Variants in KHNYN observed in about 807,000 individuals in gnomAD.
KHNYN encodes protein KHNYN.
In KHNYN, 42 loss-of-function variants were observed where a neutral mutation model predicts 62.7. The ratio of observed to expected loss-of-function variants is 0.67; its 90% CI spans 0.52 to 0.87. The LOEUF (loss-of-function observed/expected upper bound fraction) is 0.87. KHNYN is among the 40% of genes least tolerant of loss of function. The pLI is 0.00. For synonymous variants in KHNYN, 347 were observed against 345.6 expected, an observed-to-expected ratio of 1.00 and a Z score of -0.04; for missense variants, 829 against 874.1, an observed-to-expected ratio of 0.95 and a Z score of 0.65.
In KHNYN at chr14:24,439,891, A is replaced by G; in HGVS notation, c.*2606A>G. ...TGGGAAATCTTACAAGGAGTTGAAAAGATTAATGTCCCAACCTGATGAGAT... is the reference window on the plus strand; with the variant it reads ...TGGGAAATCTTACAAGGAGTTGAAAGGATTAATGTCCCAACCTGATGAGAT... On this transcript the variant is annotated 3_prime_UTR_variant, in exon 8 of 8. Transcript: ENST00000553935. The G allele has an allele frequency of 1.8e-6, 1 of 541,420 alleles. No homozygotes were observed. The highest frequency in any genetic ancestry group is 3.2e-6 in the Non-Finnish European group (1 of 310,930). 33.5% of individuals were successfully genotyped at this position (541,420 alleles called of 1,614,324 possible). A position where few individuals can be genotyped will look rare whatever the true frequency, so the allele number is the denominator to read the frequency against.
rs1464000050 is a variant in KHNYN at position 24,439,904 on chromosome 14, A to G, written c.*2619A>G. Reference sequence around the variant, plus strand: ...AAGGAGTTGAAAAGATTAATGTCCCAACCTGATGAGATTACGGCCTTGAGA... The same window carrying G: ...AAGGAGTTGAAAAGATTAATGTCCCGACCTGATGAGATTACGGCCTTGAGA... On this transcript the variant is annotated 3_prime_UTR_variant, in exon 8 of 8. Transcript: ENST00000553935. 1 of 583,970 alleles carries G rather than the reference A, an allele frequency of 1.7e-6. No homozygotes were observed. Among genetic ancestry groups the G allele is most frequent in the Non-Finnish European group, 3.0e-6 (1 of 337,870 alleles). 36.2% of individuals were successfully genotyped at this position (583,970 alleles called of 1,614,324 possible). A position where few individuals can be genotyped will look rare whatever the true frequency, so the allele number is the denominator to read the frequency against.
rs915386598 is a variant in KHNYN, at chr14:24,441,668, G to C, written c.*4383G>C. 2 of 1,574,586 alleles carry C rather than the reference G, an allele frequency of 1.3e-6. No homozygotes were observed. The highest frequency in any genetic ancestry group is 1.4e-5 in the African/African-American group (1 of 72,390). ...ATATAAGGGGCTGGTGATTTGGGGG[G>C]CGTACCTACACCTGTGACTAAGACC... On this transcript the variant is annotated 3_prime_UTR_variant, in exon 8 of 8. Coordinates refer to ENST00000553935, the MANE Select transcript of KHNYN (RefSeq NM_015299.3).
Position 24,437,183 on chromosome 14 carries a change from G to A in KHNYN, c.1935G>A (p.Val645=). 6.2e-7 allele frequency: 1 copy of A among 1,614,228 alleles called. No individual in the cohort carries two copies. Among genetic ancestry groups the A allele is most frequent in the Non-Finnish European group, 8.5e-7 (1 of 1,180,044 alleles). Residue 645 remains valine (V), a synonymous_variant, in exon 8 of 8, where the codon GTG becomes GTA. Coordinates refer to ENST00000553935, the MANE Select transcript of KHNYN (RefSeq NM_015299.3). The surrounding 1 kb of genome is among the most constrained non-coding windows in gnomAD (Gnocchi z 5.5). ...GGCTCCGGCGGCAGCTGCTGGAGGT[G>A]TTTTGGGGTCAGGATCACAAAGTGG... is the stretch of plus-strand genomic sequence containing the variant. ...TERLRRQLLE[V]FWGQDHKVDF...
chr14:24,427,407 C>T, upstream of KHNYN: 1 of 223,758 alleles, frequency 4.5e-6, no homozygotes, highest in Non-Finnish European at 9.0e-6. This position sits in a 1 kb window ranked among gnomAD's most constrained non-coding sequence, Gnocchi z 4.4. Flanking sequence ...CCTGTGGGGG[C>T]CTGTCAGGCT....
At chr14:24,433,141 T>G (rs183636738) in intron 5 of KHNYN, 109 bp downstream of exon 5, 2 of 1,031,614 alleles carry the variant, frequency 1.9e-6, no homozygotes, top group Admixed American at 3.7e-5. Flanking sequence ...GCCTTGGTGG[T>G]GGGTAAGGGG....
upstream of KHNYN, chr14:24,428,822 C>T (rs772372835): frequency 1.1e-5 from 18 of 1,612,434 alleles, no homozygotes; most frequent in South Asian, 3.3e-5. Flanking sequence ...GTGGTGGCTT[C>T]GGACCGCAGC....
intron 5 of KHNYN, 78 bp from the exon 6 acceptor site, chr14:24,435,994 C>G (rs2139394607): frequency 9.1e-7 from 1 of 1,097,774 alleles, no homozygotes; most frequent in East Asian, 2.4e-5. Flanking sequence ...TTTAATGTAA[C>G]CATGATCCAA....
rs761623076 is a variant in KHNYN at position 24,440,972 on chromosome 14, C to G, written c.*3687C>G. On this transcript the variant is annotated 3_prime_UTR_variant, in exon 8 of 8. Coordinates refer to ENST00000553935, the MANE Select transcript of KHNYN (RefSeq NM_015299.3). ...TTTGCCCTGGGTGTCCTTGGTCCTG[C>G]CTGGCTCTCTGTAGTGGAGGCTCCC... 1.9e-6 allele frequency: 3 copies of G among 1,611,890 alleles called. No individual in the cohort carries two copies. The South Asian group carries it at 3.3e-5, about 18-fold the overall frequency.
chr14:24,427,875 G>C (rs753104573), upstream of KHNYN: 2 of 1,614,052 alleles, frequency 1.2e-6, no homozygotes, highest in South Asian at 2.2e-5. The surrounding 1 kb of genome is among the most constrained non-coding windows in gnomAD (Gnocchi z 4.4). Flanking sequence ...AGAGACACTC[G>C]GTCCCCAGGG....
rs956613833 is a variant in KHNYN at position 24,437,163 on chromosome 14, C to A, written c.1915C>A (p.Arg639=). The stretch of plus-strand genomic sequence containing the variant: ...GAAGACCCGGGAAACAGAGCGGCTC[C>A]GGCGGCAGCTGCTGGAGGTGTTTTG... The part of the protein sequence containing the change: ...IRKTRETERL[R]RQLLEVFWGQ... The change falls in exon 8 of 8, where the codon CGG becomes AGG. Residue 639 remains arginine, a synonymous_variant. Coordinates refer to ENST00000553935, the MANE Select transcript of KHNYN (RefSeq NM_015299.3). This position sits in a 1 kb window ranked among gnomAD's most constrained non-coding sequence, Gnocchi z 5.5. 3.7e-6 allele frequency: 6 copies of A among 1,614,164 alleles called. No individual in the cohort carries two copies. The highest frequency in any genetic ancestry group is 1.3e-5 in the African/African-American group (1 of 75,034).
Position 24,440,150 on chromosome 14 carries a change from G to T in KHNYN, c.*2865G>T, listed in dbSNP as rs1323538573. 6.2e-7 allele frequency: 1 copy of T among 1,613,694 alleles called. No individual in the cohort carries two copies. The highest frequency in any genetic ancestry group is 1.1e-5 in the South Asian group (1 of 91,034). On this transcript the variant is annotated 3_prime_UTR_variant, in exon 8 of 8. Coordinates refer to ENST00000553935, the MANE Select transcript of KHNYN (RefSeq NM_015299.3). ...GGAATACTGGTAGCCAGTGGCCAGT[G>T]TTCGCTGTGGGATCACCTTCTGGCC...
chr14:24,432,355 A>C lies in KHNYN; in HGVS notation c.1094A>C (p.Glu365Ala). ...PRVPSPPPAP[E>A]PPWHCGDRGD... is the part of the protein sequence containing the mutation. ...GTGCCCAGCCCTCCACCTGCACCGGAACCCCCATGGCACTGTGGAGACCGG... is the reference window on the plus strand; with the variant it reads ...GTGCCCAGCCCTCCACCTGCACCGGCACCCCCATGGCACTGTGGAGACCGG... The change falls in exon 3 of 8, where the codon GAA becomes GCA. Residue 365 changes from glutamate to alanine, a missense_variant. Physicochemically the swap from Glu to Ala is moderately radical, Grantham distance 107. Coordinates refer to ENST00000553935, the MANE Select transcript of KHNYN (RefSeq NM_015299.3). The surrounding 1 kb of genome is among the most constrained non-coding windows in gnomAD (Gnocchi z 5.6). 1 of 1,613,944 alleles carries C rather than the reference A, an allele frequency of 6.2e-7. No homozygotes were observed. Among genetic ancestry groups the C allele is most frequent in the African/African-American group, 1.3e-5 (1 of 75,028 alleles).
At chr14:24,433,582 A>C (rs1236705028) in intron 5 of KHNYN, among the ~76,000 whole-genome samples, 1 of 152,218 alleles carries the variant, frequency 6.6e-6, no homozygotes, top group Non-Finnish European at 1.5e-5. Context: ...AACTTTTCTT[A>C]GTGAATTAAC....
rs369007757 is a variant in KHNYN at position 24,432,704 on chromosome 14, G to C, written c.1350-18G>C. 1.9e-5 allele frequency: 30 copies of C among 1,613,914 alleles called. No individual in the cohort carries two copies. Among genetic ancestry groups the C allele is most frequent in the African/African-American group, 8.0e-5 (6 of 74,908 alleles). ...AGGGTGCCAAGCCCCTCCTCTGGCC[G>C]ACCCCCTCCCACTACAGGCATGGCC... On this transcript the variant is annotated intron_variant, in intron 3 of 7. Coordinates refer to ENST00000553935, the MANE Select transcript of KHNYN (RefSeq NM_015299.3). The surrounding 1 kb of genome is among the most constrained non-coding windows in gnomAD (Gnocchi z 5.6).
Position 24,432,035 on chromosome 14 carries a change from G to C in KHNYN, c.774G>C (p.Glu258Asp). The C allele has an allele frequency of 6.2e-7, 1 of 1,604,328 alleles. No homozygotes were observed. Among genetic ancestry groups the C allele is most frequent in the Non-Finnish European group, 8.5e-7 (1 of 1,173,704 alleles). Residue 258 changes from glutamate to aspartate, a missense_variant, in exon 3 of 8, where the codon GAG (glutamate) becomes GAC (aspartate). Coordinates refer to ENST00000553935, the MANE Select transcript of KHNYN (RefSeq NM_015299.3). The surrounding 1 kb of genome is among the most constrained non-coding windows in gnomAD (Gnocchi z 5.6). The part of the protein sequence containing the change: ...ARGDTYAVEK[E>D]GGKQGGPREM... Reference sequence around the variant, plus strand: ...GAGACACTTACGCTGTGGAGAAGGAGGGAGGGAAACAGGGTGGTCCCAGGG... The same window carrying C: ...GAGACACTTACGCTGTGGAGAAGGACGGAGGGAAACAGGGTGGTCCCAGGG...
chr14:24,440,744 A>G lies in KHNYN; in HGVS notation c.*3459A>G. 6 of 1,604,616 alleles carry G rather than the reference A, an allele frequency of 3.7e-6. No individual in the cohort carries two copies. The highest frequency in any genetic ancestry group is 4.3e-6 in the Non-Finnish European group (5 of 1,174,398). On this transcript the variant is annotated 3_prime_UTR_variant, in exon 8 of 8. Coordinates refer to ENST00000553935, the MANE Select transcript of KHNYN (RefSeq NM_015299.3). ...CCATCACTTCCCCAGCCCAGAGAAG[A>G]CATTCCAACCCTGTCTGATACCCAG...
intron 7 of KHNYN, 75 bp from the exon 8 acceptor site, chr14:24,436,961 C>A (rs17103735): frequency 0.059 from 90,500 of 1,534,008 alleles, 5,176 homozygotes; most frequent in African/African-American, 0.29. Flanking sequence ...AGGACAATTA[C>A]GAGAGGGGTG....
chr14:24,428,204 T>G (rs2043042426), upstream of KHNYN: 1 of 1,559,170 alleles, frequency 6.4e-7, no homozygotes, highest in Non-Finnish European at 8.7e-7. Context: ...CAATGGAGAG[T>G]CCACCCGGAG....
At position 24,437,478 on chromosome 14, in the gene KHNYN, C is replaced by G. The variant is rs2043225140; in HGVS notation, c.*193C>G. The G allele has an allele frequency of 1.3e-5, 8 of 623,804 alleles. No individual in the cohort carries two copies. In the South Asian group the frequency reaches 1.8e-4, roughly 14 times the overall value. 38.6% of individuals were successfully genotyped at this position (623,804 alleles called of 1,614,324 possible). On this transcript the variant is annotated 3_prime_UTR_variant, in exon 8 of 8. Transcript: ENST00000553935. The surrounding 1 kb of genome is among the most constrained non-coding windows in gnomAD (Gnocchi z 5.5). The stretch of plus-strand genomic sequence containing the variant: ...CCGAGTCAGGACCTCAGCCAGCTCT[C>G]AAGAGGTTCTGCTCAGCCTTAACTT...
Sources: allele counts gnomAD v4.1 joint callset (sites outside exome capture counted in the v4.1 genomes callset), GRCh38; gene constraint gnomAD v4.1.1; non-coding constraint Gnocchi (gnomAD v3.1); transcripts MANE v1.5; gene names NCBI Gene and HGNC (gene_info 2026-07-23, HGNC 2026-07-21).